The following CIP2A variants were observed in gnomAD, a reference collection of about 807,000 sequenced individuals.
CIP2A encodes the protein protein CIP2A.
In CIP2A, 103 loss-of-function variants were observed where a neutral mutation model predicts 110.9. The observed-to-expected ratio is 0.93, with a 90% confidence interval of 0.79 to 1.09. CIP2A has a LOEUF of 1.09. CIP2A is among the 50% of genes least tolerant of loss of function. The pLI is 0.00. For synonymous variants in CIP2A, 381 were observed against 361.6 expected (o/e 1.05, Z -0.61); for missense variants, 1,088 against 1,038.4 (o/e 1.05, Z -0.66).
chr3:108,557,520 G>A, intron 16 of CIP2A, 106 bp from the exon 17 acceptor site: 1 of 785,106 alleles, frequency 1.3e-6, no homozygotes, highest in Non-Finnish European at 1.9e-6. Context: ...GCTGGTATCT[G>A]TTGGGTCATG....
At chr3:108,562,850 G>A (rs1014472436) in intron 13 of CIP2A, among the ~76,000 whole-genome samples, 1 of 152,122 alleles carries the variant, frequency 6.6e-6, no homozygotes, top group African/African-American at 2.4e-5. Flanking sequence ...GCTTAAGAGT[G>A]TCCAGAAGTT....
intron 10 of CIP2A, among the ~76,000 whole-genome samples, chr3:108,567,240 G>A (rs1419040773): frequency 4.0e-5 from 6 of 150,646 alleles, no homozygotes; most frequent in African/African-American, 1.5e-4. Context: ...TTCTGGCATC[G>A]ATTTTCTTTT....
chr3:108,560,630 T>A lies in CIP2A; in HGVS notation c.1827+19A>T. The A allele has an allele frequency of 1.3e-6, 2 of 1,519,904 alleles. No individual in the cohort carries two copies. The highest frequency in any genetic ancestry group is 1.8e-6 in the Non-Finnish European group (2 of 1,110,164). The allele number at this position is 1,519,904 out of a possible 1,614,324, so 94.2% of individuals were successfully genotyped here. A position where few individuals can be genotyped will look rare whatever the true frequency, so the allele number is the denominator to read the frequency against. ...ATAGCTAATATGTACCAGGTTATAA[T>A]TGCTATTTTTTCACTCACCACCATT... is the stretch of plus-strand genomic sequence containing the variant. On this transcript the variant is annotated intron_variant, in intron 14 of 20. Transcript: ENST00000295746.
chr3:108,579,771 C>T, intron 5 of CIP2A, 83 bp from the exon 6 acceptor site: 2 of 715,712 alleles, frequency 2.8e-6, no homozygotes, highest in East Asian at 6.5e-5. Context: ...ACAGAGTGGG[C>T]AAACTTTTAT....
intron 8 of CIP2A, among the ~76,000 whole-genome samples, chr3:108,575,479 CAT>C (rs945863409): frequency 2.0e-5 from 3 of 147,890 alleles, no homozygotes; most frequent in Non-Finnish European, 3.0e-5. Context: ...TATATATACA[CAT>C]ATATGCACAC....
At chr3:108,578,380 T>C (rs1007273858) in intron 7 of CIP2A, among the ~76,000 whole-genome samples, 3 of 152,216 alleles carry the variant, frequency 2.0e-5, no homozygotes, top group African/African-American at 4.8e-5. Context: ...AAAGCTCACC[T>C]ATCTAGAGAT....
chr3:108,561,835 C>G (rs1938016970), intron 13 of CIP2A, among the ~76,000 whole-genome samples: 1 of 152,084 alleles, frequency 6.6e-6, no homozygotes, highest in African/African-American at 2.4e-5. Context: ...ATTTACAACA[C>G]AAATAAGACA....
chr3:108,566,391 T>A (rs1938181808), intron 11 of CIP2A, 106 bp downstream of exon 11: 3 of 802,118 alleles, frequency 3.7e-6, no homozygotes, highest in South Asian at 3.6e-5. Flanking sequence ...TAATCTGTTA[T>A]ATCTTAAGTT....
intron 8 of CIP2A, chr3:108,575,128 A>G (rs550205714): frequency 2.0e-5 from 3 of 152,144 alleles, no homozygotes; most frequent in Non-Finnish European, 4.4e-5. Flanking sequence ...TGTCCAAAAA[A>G]AGAATCAATC....
chr3:108,557,246 T>A lies in CIP2A; in HGVS notation c.2182A>T (p.Thr728Ser). Residue 728 changes from threonine to serine, a missense_variant, in exon 17 of 21, where the codon ACA (threonine) becomes TCA (serine). By Grantham distance (58) the Thr-to-Ser change is moderately conservative (BLOSUM62 1). Transcript: ENST00000295746. The part of the protein sequence containing the change: ...ESVAEEHEIL[T>S]KSYMELLQRN... ...TGAAGAAGTTCCATGTAGGATTTTG[T>A]CAGTATTTCATGTTCTTCAGCCACA... The A allele has an allele frequency of 6.3e-7, 1 of 1,599,856 alleles. No homozygotes were observed. Among genetic ancestry groups the A allele is most frequent in the Non-Finnish European group, 8.5e-7 (1 of 1,170,058 alleles).
intron 19 of CIP2A, 76 bp downstream of exon 19, chr3:108,553,572 A>AG (rs1357097951): frequency 1.6e-6 from 2 of 1,282,834 alleles, no homozygotes; most frequent in South Asian, 2.8e-5. Flanking sequence ...GAAAATAAAA[A>AG]AGCAAACAAA....
rs761038506 is a variant in CIP2A at position 108,569,618 on chromosome 3, TA to T, written c.895-12del. Reference sequence around the variant, plus strand: ...AAGTAATTCTAAAACCTGTGCAATATAAAGTGTTCATTAAACATCAATTTCA... The same window carrying T: ...AAGTAATTCTAAAACCTGTGCAATATAAGTGTTCATTAAACATCAATTTCA... On this transcript the variant is annotated splice_polypyrimidine_tract_variant and intron_variant, in intron 8 of 20. Transcript: ENST00000295746. The T allele has an allele frequency of 4.4e-6, 7 of 1,599,840 alleles. No homozygotes were observed. The Admixed American group carries it at 1.2e-4, about 27-fold the overall frequency.
chr3:108,553,894 TATAA>T (rs1490782417), intron 18 of CIP2A, among the ~76,000 whole-genome samples, 164 bp from the exon 19 acceptor site: 19 of 49,706 alleles, frequency 3.8e-4, no homozygotes, highest in Non-Finnish European at 5.2e-4. Flanking sequence ...CTACTAAAAA[TATAA>T]AAAAAAAAAA....
At chr3:108,575,315 T>C (rs1938542133) in intron 8 of CIP2A, among the ~76,000 whole-genome samples, 1 of 146,494 alleles carries the variant, frequency 6.8e-6, no homozygotes, top group African/African-American at 2.7e-5. Flanking sequence ...TACACACACG[T>C]GCATGTACAC....
chr3:108,564,717 A>C (rs973385883), intron 12 of CIP2A, among the ~76,000 whole-genome samples: 1 of 151,918 alleles, frequency 6.6e-6, no homozygotes, highest in Non-Finnish European at 1.5e-5. Flanking sequence ...TGCTTTCTTC[A>C]GCCCTTTTCT....
Position 108,559,754 on chromosome 3 carries a change from C to T in CIP2A, c.2013+3G>A, listed in dbSNP as rs745976884. 7 of 1,542,836 alleles carry T rather than the reference C, an allele frequency of 4.5e-6. No homozygotes were observed. The highest frequency in any genetic ancestry group is 4.4e-6 in the Non-Finnish European group (5 of 1,129,006). On this transcript the variant is annotated splice_donor_region_variant and intron_variant, in intron 16 of 20. Coordinates refer to ENST00000295746, the MANE Select transcript of CIP2A (RefSeq NM_020890.3). Reference sequence around the variant, plus strand: ...ATCAGATGTGTCTTTATATTCTACACACCTCTGTTTCAGCTTGAGTTCTTT... The same window carrying T: ...ATCAGATGTGTCTTTATATTCTACATACCTCTGTTTCAGCTTGAGTTCTTT...
Position 108,550,277 on chromosome 3 carries a change from T to C in CIP2A, c.*872A>G, listed in dbSNP as rs1356530256. 6.6e-6 allele frequency: 1 copy of C among 151,464 alleles called. No individual in the cohort carries two copies. The highest frequency in any genetic ancestry group is 2.4e-5 in the African/African-American group (1 of 41,416). 9.4% of individuals were successfully genotyped at this position (151,464 alleles called of 1,614,324 possible). On this transcript the variant is annotated 3_prime_UTR_variant, in exon 21 of 21. Transcript: ENST00000295746. The stretch of plus-strand genomic sequence containing the variant: ...ATTAAATGAACCAATTAAAAACTAT[T>C]AGGACAACAAATTAAATACAATTCA...
intron 7 of CIP2A, among the ~76,000 whole-genome samples, chr3:108,576,769 T>G (rs1938668180): frequency 6.6e-6 from 1 of 152,142 alleles, no homozygotes; most frequent in African/African-American, 2.4e-5. Flanking sequence ...AATTTGTCTC[T>G]GCAAATAAAG....
At position 108,557,275 on chromosome 3, in the gene CIP2A, T is replaced by C. The variant is rs1937840559; in HGVS notation, c.2153A>G (p.Glu718Gly). ...TATTTCATGTTCTTCAGCCACAGAC[T>C]CTAACTTCCTATTATGTTGAAAGAG... Reference protein sequence around the residue: ...EHLFQHNRKLESVAEEHEILT... With the variant: ...EHLFQHNRKLGSVAEEHEILT... Residue 718 changes from glutamate to glycine, a missense_variant, in exon 17 of 21, where the codon GAG becomes GGG. Coordinates refer to ENST00000295746, the MANE Select transcript of CIP2A (RefSeq NM_020890.3). 1.9e-6 allele frequency: 3 copies of C among 1,610,008 alleles called. No individual in the cohort carries two copies. Among genetic ancestry groups the C allele is most frequent in the Non-Finnish European group, 2.5e-6 (3 of 1,177,310 alleles).
Sources: allele counts gnomAD v4.1 joint callset (sites outside exome capture counted in the v4.1 genomes callset), GRCh38; gene constraint gnomAD v4.1.1; transcripts MANE v1.5; gene names NCBI Gene and HGNC (gene_info 2026-07-23, HGNC 2026-07-21).